The following XCR1 variants were observed in gnomAD, a reference collection of about 807,000 sequenced individuals.
XCR1 encodes the protein chemokine XC receptor 1.
For missense variants in XCR1, 356 were observed against 424.2 expected, an observed-to-expected ratio of 0.84 and a Z score of 1.41; for synonymous variants, 187 against 188.5, an observed-to-expected ratio of 0.99 and a Z score of 0.06.
rs986914327 is a variant in XCR1, at chr3:46,018,283, C to T, written c.*2663G>A. The T allele has an allele frequency of 2.0e-5, 3 of 152,122 alleles. No individual in the cohort carries two copies. Among genetic ancestry groups the T allele is most frequent in the African/African-American group, 7.2e-5 (3 of 41,410 alleles). 9.4% of individuals were successfully genotyped at this position (152,122 alleles called of 1,614,324 possible). On this transcript the variant is annotated 3_prime_UTR_variant, in exon 2 of 2. Coordinates refer to ENST00000309285, the MANE Select transcript of XCR1 (RefSeq NM_001024644.2). ...AGGGTGAAGTGAGCTTCTCAAGGGGCCTCAACCCCCAAACCTGCCTTCTAA... is the reference window on the plus strand; with the variant it reads ...AGGGTGAAGTGAGCTTCTCAAGGGGTCTCAACCCCCAAACCTGCCTTCTAA...
intron 5 of XCR1, among the ~76,000 whole-genome samples, chr3:46,037,163 G>A (rs1350297708): frequency 1.3e-5 from 2 of 152,076 alleles, no homozygotes; most frequent in Non-Finnish European, 2.9e-5. Flanking sequence ...GGGTTACTAA[G>A]TATAAGAATT....
intron 3 of XCR1, among the ~76,000 whole-genome samples, chr3:46,071,854 A>G (rs896474188): frequency 2.6e-5 from 4 of 152,136 alleles, no homozygotes; most frequent in African/African-American, 4.8e-5. Context: ...AGCCAACCTC[A>G]TACTGAACGG....
intron 1 of XCR1, among the ~76,000 whole-genome samples, chr3:46,080,184 CA>C (rs202215316): frequency 1.6e-3 from 216 of 131,906 alleles, no homozygotes; most frequent in Non-Finnish European, 2.0e-3. Flanking sequence ...GTCCTTGTCT[CA>C]AAAAAAAAAA....
chr3:46,067,180 G>C (rs1477603289), intron 3 of XCR1, among the ~76,000 whole-genome samples: 4 of 152,216 alleles, frequency 2.6e-5, no homozygotes, highest in Admixed American at 2.0e-4. Flanking sequence ...TGGATGATTA[G>C]GAGGCAGTGT....
At chr3:46,085,183 T>C (rs1698451423) in intron 1 of XCR1, among the ~76,000 whole-genome samples, 1 of 151,410 alleles carries the variant, frequency 6.6e-6, no homozygotes, top group African/African-American at 2.4e-5. Flanking sequence ...GCAGCCTATG[T>C]CTGCTCTAAG....
At chr3:46,081,480 C>T (rs4683175) in intron 1 of XCR1, among the ~76,000 whole-genome samples, 51,517 of 152,102 alleles carry the variant, frequency 0.34, 10,750 homozygotes, top group East Asian at 0.67. Context: ...TTATTAAGAA[C>T]TCAAAATTAA....
intron 5 of XCR1, among the ~76,000 whole-genome samples, chr3:46,048,004 G>A (rs751235308): frequency 6.6e-6 from 1 of 152,176 alleles, no homozygotes; most frequent in Non-Finnish European, 1.5e-5. Context: ...CACCAGTTAC[G>A]TTAATAGAAC....
chr3:46,072,305 G>A (rs1053990788), intron 3 of XCR1, among the ~76,000 whole-genome samples: 1 of 152,110 alleles, frequency 6.6e-6, no homozygotes, highest in Non-Finnish European at 1.5e-5. Context: ...GATCGCTTGA[G>A]CCCAGCAGTT....
At chr3:46,030,518 T>C (rs567730292), upstream of XCR1, among the ~76,000 whole-genome samples, 3 of 152,374 alleles carry the variant, frequency 2.0e-5, no homozygotes, top group South Asian at 6.2e-4. Context: ...CTTTATGCAC[T>C]ATACACTATG....
intron 5 of XCR1, among the ~76,000 whole-genome samples, chr3:46,052,771 G>A (rs548011671): frequency 6.6e-6 from 1 of 152,338 alleles, no homozygotes; most frequent in Admixed American, 6.5e-5. Flanking sequence ...CTAGAGTAAA[G>A]GTTAGCATTT....
At chr3:46,056,203 T>G (rs959428466) in intron 4 of XCR1, among the ~76,000 whole-genome samples, 2 of 151,948 alleles carry the variant, frequency 1.3e-5, no homozygotes, top group African/African-American at 4.8e-5. Context: ...CAAGAGTTCG[T>G]TTTTTTTCTT....
chr3:46,065,928 C>T (rs1698060564), intron 4 of XCR1, among the ~76,000 whole-genome samples: 1 of 152,198 alleles, frequency 6.6e-6, no homozygotes, highest in East Asian at 1.9e-4. Flanking sequence ...GAAGAGGCCA[C>T]GTAGGGATGT....
Position 46,021,066 on chromosome 3 carries a change from G to T in XCR1, c.882C>A (p.Phe294Leu). The T allele has an allele frequency of 6.2e-7, 1 of 1,614,226 alleles. No homozygotes were observed. Among genetic ancestry groups the T allele is most frequent in the Non-Finnish European group, 8.5e-7 (1 of 1,180,028 alleles). ...PVLYVFVGVK[F>L]RTHLKHVLRQ... is the part of the protein sequence containing the mutation. Reference sequence around the variant, plus strand: ...GGAGAACATGTTTCAGGTGTGTGCGGAACTTGACCCCCACGAAGACATAGA... The same window carrying T: ...GGAGAACATGTTTCAGGTGTGTGCGTAACTTGACCCCCACGAAGACATAGA... The change falls in exon 2 of 2, where the codon TTC becomes TTA. Residue 294 changes from phenylalanine (F) to leucine (L), a missense_variant. Physicochemically the swap from Phe to Leu is conservative, Grantham distance 22. Transcript: ENST00000309285. The surrounding 1 kb of genome is among the most constrained non-coding windows in gnomAD (Gnocchi z 4.7).
intron 5 of XCR1, among the ~76,000 whole-genome samples, chr3:46,036,053 T>C (rs1697425406): frequency 1.3e-5 from 2 of 152,214 alleles, no homozygotes; most frequent in African/African-American, 4.8e-5. Flanking sequence ...TTGGTGATTG[T>C]GTGTGTATCA....
At position 46,021,372 on chromosome 3, in the gene XCR1, G is replaced by A; in HGVS notation, c.576C>T (p.Leu192=). 6.2e-7 allele frequency: 1 copy of A among 1,614,206 alleles called. No homozygotes were observed. The highest frequency in any genetic ancestry group is 1.3e-5 in the African/African-American group (1 of 75,048). ...TAATCCCCAGGGACAGCAGGAAGAA[G>A]AGGTTGTGCTGGTAGACGGAGGTGA... ...WYLTSVYQHN[L]FFLLSLGIIL... Residue 192 remains leucine, a synonymous_variant, in exon 2 of 2, where the codon CTC becomes CTT. Coordinates refer to ENST00000309285, the MANE Select transcript of XCR1 (RefSeq NM_001024644.2). This position sits in a 1 kb window ranked among gnomAD's most constrained non-coding sequence, Gnocchi z 4.7.
chr3:46,046,648 T>G (rs887328232), intron 5 of XCR1, among the ~76,000 whole-genome samples: 1 of 152,228 alleles, frequency 6.6e-6, no homozygotes, highest in African/African-American at 2.4e-5. Flanking sequence ...TCTCATTTTT[T>G]GATTGGCAGT....
chr3:46,023,989 C>A, intron 1 of XCR1: 13 of 1,422,382 alleles, frequency 9.1e-6, no homozygotes, highest in Non-Finnish European at 1.3e-5. Context: ...CTTGCCGCCA[C>A]ATTCAGAAAC....
At chr3:46,027,119 T>G (rs1708309274) in intron 1 of XCR1, among the ~76,000 whole-genome samples, 1 of 152,038 alleles carries the variant, frequency 6.6e-6, no homozygotes, top group African/African-American at 2.4e-5. Flanking sequence ...TCAAGAAATC[T>G]GCCAGGCCAA....
intron 5 of XCR1, among the ~76,000 whole-genome samples, chr3:46,036,614 G>A (rs557055689): frequency 1.2e-4 from 18 of 152,106 alleles, no homozygotes; most frequent in Non-Finnish European, 2.1e-4. Context: ...CTTAAGAATT[G>A]TTAACATATA....
Sources: gnomAD v4.1 joint callset for allele counts (sites outside exome capture counted in the v4.1 genomes callset) on GRCh38, gnomAD v4.1.1 for gene constraint, Gnocchi (gnomAD v3.1) non-coding constraint, MANE v1.5 for transcripts, NCBI Gene and HGNC (gene_info 2026-07-23, HGNC 2026-07-21) for gene names.